PTPN4: variants seen among roughly 807,000 people sequenced by gnomAD.
The protein encoded by PTPN4 is protein tyrosine phosphatase non-receptor type 4, also known as tyrosine-protein phosphatase non-receptor type 4.
Under a neutral mutation model 135.5 loss-of-function variants are expected in PTPN4, and 49 were observed. That is an observed-to-expected ratio of 0.36 (90% CI 0.29 to 0.46). The LOEUF is 0.46. PTPN4 is among the 20% of genes least tolerant of loss of function. PTPN4 has a pLI of 1.00. For missense variants in PTPN4, 860 were observed against 1,101.0 expected (o/e 0.78, Z 3.10); for synonymous variants, 333 against 369.9 (o/e 0.90, Z 1.14).
chr2:119,944,771 C>T (rs868003707), intron 15 of PTPN4, among the ~76,000 whole-genome samples: 2 of 152,074 alleles, frequency 1.3e-5, no homozygotes, highest in Non-Finnish European at 2.9e-5. Flanking sequence ...CCTGGCTACC[C>T]GTGACTCCTC....
Position 119,979,300 on chromosome 2 carries a change from T to TG in PTPN4, c.*2231dup. On this transcript the variant is annotated 3_prime_UTR_variant, in exon 27 of 27. Coordinates refer to ENST00000263708, the MANE Select transcript of PTPN4 (RefSeq NM_002830.4). The stretch of plus-strand genomic sequence containing the variant: ...AAAGAGACAAAAGTCATGGTTGGCA[T>TG]GTTCTTTAATTTAGGGCCTTGTTTA... 1 of 152,254 alleles carries TG rather than the reference T, an allele frequency of 6.6e-6. No individual in the cohort carries two copies. Among genetic ancestry groups the TG allele is most frequent in the Middle Eastern group, 3.4e-3 (1 of 294 alleles). The allele number at this position is 152,254 out of a possible 1,614,324, so 9.4% of individuals were successfully genotyped here. A position where few individuals can be genotyped will look rare whatever the true frequency, so the allele number is the denominator to read the frequency against.
intron 2 of PTPN4, among the ~76,000 whole-genome samples, chr2:119,824,649 G>A (rs1677121216): frequency 2.6e-5 from 4 of 152,030 alleles, no homozygotes; most frequent in African/African-American, 9.7e-5. Context: ...TTTTCTTTTT[G>A]GTGACATGAC....
chr2:119,926,684 C>T lies in PTPN4; in HGVS notation c.1070+18C>T. 1.3e-6 allele frequency: 2 copies of T among 1,557,754 alleles called. No homozygotes were observed. The highest frequency in any genetic ancestry group is 1.7e-6 in the Non-Finnish European group (2 of 1,144,302). On this transcript the variant is annotated intron_variant, in intron 13 of 26. Coordinates refer to ENST00000263708, the MANE Select transcript of PTPN4 (RefSeq NM_002830.4). ...TTTGCAAGGTAAGCCAAATCTGTTT[C>T]ATTGTTTGAATTTTTTTAAAAAGAT...
intron 2 of PTPN4, among the ~76,000 whole-genome samples, chr2:119,851,306 G>T (rs1344928455): frequency 1.3e-5 from 2 of 152,124 alleles, no homozygotes; most frequent in Middle Eastern, 3.2e-3. Flanking sequence ...TCCACTGAGG[G>T]TCATATGGTA....
At chr2:119,846,462 C>T (rs776020102) in intron 2 of PTPN4, among the ~76,000 whole-genome samples, 5 of 151,776 alleles carry the variant, frequency 3.3e-5, no homozygotes, top group Non-Finnish European at 5.9e-5. Flanking sequence ...ACCTTCCTTA[C>T]GGTGTAACTT....
chr2:119,884,686 A>G (rs1047355963), intron 8 of PTPN4, among the ~76,000 whole-genome samples: 6 of 152,192 alleles, frequency 3.9e-5, no homozygotes, highest in South Asian at 2.1e-4. Context: ...GATTATATAT[A>G]TCTATTTGGT....
chr2:119,897,216 A>G (rs1216179136), intron 9 of PTPN4, among the ~76,000 whole-genome samples: 2 of 152,036 alleles, frequency 1.3e-5, no homozygotes. Flanking sequence ...TACAGGCATG[A>G]GCCACCACAC....
At chr2:119,838,378 G>A (rs533483649) in intron 2 of PTPN4, among the ~76,000 whole-genome samples, 1 of 152,110 alleles carries the variant, frequency 6.6e-6, no homozygotes, top group Non-Finnish European at 1.5e-5. Context: ...TCTGGCTGCC[G>A]AAGTGACACC....
chr2:119,786,179 A>G (rs996599882), intron 1 of PTPN4, among the ~76,000 whole-genome samples: 5 of 152,206 alleles, frequency 3.3e-5, no homozygotes, highest in Non-Finnish European at 7.3e-5. Flanking sequence ...ACAGTAAATG[A>G]GAGTGAGTAT....
chr2:119,774,259 A>G (rs1690789447), intron 1 of PTPN4, among the ~76,000 whole-genome samples: 6 of 152,252 alleles, frequency 3.9e-5, no homozygotes. Flanking sequence ...GAAATGTCAC[A>G]ACATTACAAG....
At chr2:119,771,587 A>C (rs1326139477) in intron 1 of PTPN4, 1 of 152,180 alleles carries the variant, frequency 6.6e-6, no homozygotes, top group Admixed American at 6.5e-5. Flanking sequence ...ACAATGCTAA[A>C]GACCTGCTTG....
At chr2:119,975,207 G>A (rs1679596802) in intron 26 of PTPN4, among the ~76,000 whole-genome samples, 1 of 152,076 alleles carries the variant, frequency 6.6e-6, no homozygotes, top group Non-Finnish European at 1.5e-5. Flanking sequence ...AACCTCCTTG[G>A]CTCAAATGTT....
chr2:119,786,238 A>C (rs192919312), intron 1 of PTPN4, among the ~76,000 whole-genome samples: 140 of 152,346 alleles, frequency 9.2e-4, no homozygotes, highest in East Asian at 2.5e-3. Flanking sequence ...CCTTCTGCTT[A>C]ATAATGAAAA....
chr2:119,940,379 G>A (rs776407511), intron 15 of PTPN4, among the ~76,000 whole-genome samples: 92 of 152,176 alleles, frequency 6.0e-4, no homozygotes, highest in Non-Finnish European at 8.1e-4. Flanking sequence ...GGTTAAATGC[G>A]TAATTGAAGA....
At chr2:119,973,858 C>CT (rs200829952) in intron 26 of PTPN4, among the ~76,000 whole-genome samples, 3,636 of 151,320 alleles carry the variant, frequency 0.024, 62 homozygotes, top group Non-Finnish European at 0.033. Context: ...GTCTGATTGT[C>CT]TTTTTTTTGT....
chr2:119,910,138 TTTGGCAATGTGGTCTTGCCACA>T (rs1375481679), intron 10 of PTPN4, among the ~76,000 whole-genome samples: 2 of 152,054 alleles, frequency 1.3e-5, no homozygotes, highest in Non-Finnish European at 2.9e-5. Context: ...TCAAATAGCA[TTTGGCAATGTGGTCTTGCCACA>T]TTGTGGCAAG....
At chr2:119,942,638 G>C (rs1679077328) in intron 15 of PTPN4, among the ~76,000 whole-genome samples, 1 of 152,156 alleles carries the variant, frequency 6.6e-6, no homozygotes, top group Non-Finnish European at 1.5e-5. Flanking sequence ...GTCCAAGTAA[G>C]GGGTGAGACC....
At chr2:119,960,737 G>C in intron 22 of PTPN4, 70 bp from the exon 23 acceptor site, 1 of 1,497,634 alleles carries the variant, frequency 6.7e-7, no homozygotes, top group Non-Finnish European at 9.0e-7. Flanking sequence ...GTTAGTGGAT[G>C]ATTTTCCTAT....
intron 25 of PTPN4, among the ~76,000 whole-genome samples, chr2:119,967,525 A>G (rs908033144): frequency 1.3e-5 from 2 of 152,232 alleles, no homozygotes; most frequent in African/African-American, 2.4e-5. Flanking sequence ...TTGTCATTCT[A>G]TCATTTTGCA....
Sources: allele counts gnomAD v4.1 joint callset (sites outside exome capture counted in the v4.1 genomes callset), GRCh38; gene constraint gnomAD v4.1.1; transcripts MANE v1.5; gene names NCBI Gene and HGNC (gene_info 2026-07-23, HGNC 2026-07-21).